The following PDE4B variants were observed in gnomAD, a reference collection of about 807,000 sequenced individuals.
PDE4B encodes phosphodiesterase 4B.
Under a neutral mutation model 82.2 loss-of-function variants are expected in PDE4B, and 20 were observed. That is an observed-to-expected ratio of 0.24 (90% CI 0.17 to 0.35). The LOEUF is 0.35. Ranked by LOEUF, PDE4B falls within the 10% of genes least tolerant of loss-of-function variation. PDE4B has a pLI of 1.00. For missense variants in PDE4B, 655 were observed against 907.2 expected (o/e 0.72, Z 3.57); for synonymous variants, 320 against 318.9 (o/e 1.00, Z -0.04).
At chr1:66,131,862 C>G (rs1645957864) in intron 3 of PDE4B, among the ~76,000 whole-genome samples, 1 of 151,992 alleles carries the variant, frequency 6.6e-6, no homozygotes, top group East Asian at 1.9e-4. Context: ...AACAAGGCCT[C>G]TCTGTCAGCT....
At chr1:65,841,342 A>G (rs898586612) in intron 1 of PDE4B, among the ~76,000 whole-genome samples, 1 of 151,478 alleles carries the variant, frequency 6.6e-6, no homozygotes, top group Non-Finnish European at 1.5e-5. Flanking sequence ...AGAAAGAAAG[A>G]AAAGGAAGAA....
At chr1:66,249,457 A>G (rs747046389) in intron 4 of PDE4B, among the ~76,000 whole-genome samples, 5 of 152,178 alleles carry the variant, frequency 3.3e-5, no homozygotes, top group Admixed American at 6.5e-5. Context: ...AGAAAACTCT[A>G]CTGCACTTCC....
intron 1 of PDE4B, among the ~76,000 whole-genome samples, chr1:65,833,359 C>A (rs1332690991): frequency 6.6e-6 from 1 of 152,216 alleles, no homozygotes; most frequent in Non-Finnish European, 1.5e-5. Context: ...CTCCCCTCAC[C>A]AGACTTTAAG....
chr1:66,187,876 GC>G (rs1220494954), intron 3 of PDE4B, among the ~76,000 whole-genome samples: 2 of 151,778 alleles, frequency 1.3e-5, no homozygotes, highest in Non-Finnish European at 2.9e-5. Context: ...CCTTCTGCTA[GC>G]TTTTGAAAGT....
intron 1 of PDE4B, among the ~76,000 whole-genome samples, chr1:65,800,598 C>T (rs903102679): frequency 1.3e-4 from 20 of 152,168 alleles, no homozygotes; most frequent in African/African-American, 4.6e-4. Flanking sequence ...AAAGTTCTTT[C>T]CAGCATTATC....
At chr1:66,133,991 G>A (rs1188153766) in intron 3 of PDE4B, among the ~76,000 whole-genome samples, 4 of 151,546 alleles carry the variant, frequency 2.6e-5, no homozygotes, top group Non-Finnish European at 5.9e-5. Flanking sequence ...TAGGAAAAAG[G>A]CAGAGAGAGA....
At chr1:66,319,774 G>T (rs1450881047) in intron 7 of PDE4B, among the ~76,000 whole-genome samples, 2 of 152,192 alleles carry the variant, frequency 1.3e-5, no homozygotes, top group East Asian at 3.8e-4. Flanking sequence ...TAATGCATAA[G>T]AAAGTGGTCT....
intron 3 of PDE4B, among the ~76,000 whole-genome samples, chr1:66,102,118 T>C (rs1239752810): frequency 1.3e-5 from 2 of 152,078 alleles, no homozygotes; most frequent in African/African-American, 4.8e-5. Context: ...GTTTTTGTCA[T>C]GTTTGCCAAA....
At chr1:65,796,408 A>T (rs1023835506) in intron 1 of PDE4B, among the ~76,000 whole-genome samples, 3 of 150,278 alleles carry the variant, frequency 2.0e-5, no homozygotes, top group Non-Finnish European at 4.5e-5. Context: ...TTGGTTCATC[A>T]TTTTTTTTTC....
intron 1 of PDE4B, among the ~76,000 whole-genome samples, chr1:65,814,593 C>T (rs1034043511): frequency 6.6e-6 from 1 of 152,166 alleles, no homozygotes; most frequent in African/African-American, 2.4e-5. Context: ...CTGGTGCCTC[C>T]TTGCTGTCCA....
rs1019244050 is a variant in PDE4B at position 66,373,509 on chromosome 1, C to G, written c.*831C>G. 3 of 152,672 alleles carry G rather than the reference C, an allele frequency of 2.0e-5. No homozygotes were observed. The highest frequency in any genetic ancestry group is 7.2e-5 in the African/African-American group (3 of 41,438). 9.5% of individuals were successfully genotyped at this position (152,672 alleles called of 1,614,324 possible). On this transcript the variant is annotated 3_prime_UTR_variant, in exon 17 of 17. Coordinates refer to ENST00000341517, the MANE Select transcript of PDE4B (RefSeq NM_002600.4). Reference sequence around the variant, plus strand: ...CTGCTGTGTCTTGGACCCTGCCCCCCACAGGAGTTGTACAGTCCCTGGCCC... The same window carrying G: ...CTGCTGTGTCTTGGACCCTGCCCCCGACAGGAGTTGTACAGTCCCTGGCCC...
At chr1:65,920,764 T>A (rs1647221469) in intron 3 of PDE4B, among the ~76,000 whole-genome samples, 1 of 151,912 alleles carries the variant, frequency 6.6e-6, no homozygotes, top group South Asian at 2.1e-4. Flanking sequence ...GCCTCATTCT[T>A]GGCGTCAGTA....
At chr1:66,039,143 G>A (rs1021954435) in intron 3 of PDE4B, among the ~76,000 whole-genome samples, 1 of 151,880 alleles carries the variant, frequency 6.6e-6, no homozygotes, top group Non-Finnish European at 1.5e-5. Context: ...ATTTTTTATA[G>A]CATACACAAG....
intron 7 of PDE4B, among the ~76,000 whole-genome samples, chr1:66,274,624 T>C (rs995829758): frequency 3.9e-5 from 6 of 152,230 alleles, no homozygotes; most frequent in Non-Finnish European, 7.3e-5. Flanking sequence ...GACAAATTGC[T>C]TAACCTCTCT....
intron 2 of PDE4B, among the ~76,000 whole-genome samples, chr1:65,913,825 T>C (rs892021036): frequency 6.6e-6 from 1 of 152,180 alleles, no homozygotes; most frequent in African/African-American, 2.4e-5. Flanking sequence ...GGACTAGCAG[T>C]ATTAGCATTA....
chr1:66,150,918 G>A (rs192439989), intron 3 of PDE4B, among the ~76,000 whole-genome samples: 70 of 152,136 alleles, frequency 4.6e-4, no homozygotes, highest in African/African-American at 1.7e-3. Context: ...TTTATATGCT[G>A]CTGTATCCAA....
intron 3 of PDE4B, among the ~76,000 whole-genome samples, chr1:66,107,361 A>T (rs1645386293): frequency 6.6e-6 from 1 of 152,110 alleles, no homozygotes; most frequent in African/African-American, 2.4e-5. Flanking sequence ...CTGAATTGAG[A>T]AAAGCACATT....
intron 1 of PDE4B, among the ~76,000 whole-genome samples, chr1:65,872,272 G>T (rs1646581772): frequency 6.6e-6 from 1 of 152,110 alleles, no homozygotes; most frequent in African/African-American, 2.4e-5. Context: ...ACATTTACGA[G>T]TGATAAAATT....
intron 3 of PDE4B, among the ~76,000 whole-genome samples, chr1:65,983,104 A>G (rs1310476195): frequency 3.3e-5 from 5 of 152,144 alleles, no homozygotes; most frequent in African/African-American, 9.7e-5. Flanking sequence ...TAGGTTTTGG[A>G]CTTATGATCT....
Sources: allele counts gnomAD v4.1 joint callset (sites outside exome capture counted in the v4.1 genomes callset), GRCh38; gene constraint gnomAD v4.1.1; transcripts MANE v1.5; gene names NCBI Gene and HGNC (gene_info 2026-07-23, HGNC 2026-07-21).